Variants in CCDC88C observed in about 807,000 individuals in gnomAD.
CCDC88C encodes the protein protein Daple.
A neutral mutation model predicts 198.8 loss-of-function variants in CCDC88C; 131 were observed. The observed-to-expected ratio is 0.66, with a 90% CI of 0.57 to 0.76. The LOEUF is 0.76. Among genes scored for constraint, CCDC88C ranks in the 30% least tolerant of loss-of-function variants. The pLI, the probability that CCDC88C is intolerant of heterozygous loss-of-function variation, is 0.00. For synonymous variants in CCDC88C, 1,166 were observed against 1,114.7 expected, an observed-to-expected ratio of 1.05 and a Z score of -0.92; for missense variants, 2,553 against 2,631.6, an observed-to-expected ratio of 0.97 and a Z score of 0.65.
Position 91,325,022 on chromosome 14 carries a change from T to A in CCDC88C, c.1198-99A>T, listed in dbSNP as rs1345943207. 2 of 1,451,456 alleles carry A rather than the reference T, an allele frequency of 1.4e-6. No individual in the cohort carries two copies. The highest frequency in any genetic ancestry group is 1.9e-6 in the Non-Finnish European group (2 of 1,053,416). 89.9% of individuals were successfully genotyped at this position (1,451,456 alleles called of 1,614,324 possible). A position where few individuals can be genotyped will look rare whatever the true frequency, so the allele number is the denominator to read the frequency against. On this transcript the variant is annotated intron_variant, in intron 11 of 29. Transcript: ENST00000389857. The surrounding 1 kb of genome is among the most constrained non-coding windows in gnomAD (Gnocchi z 4.1). ...TATAGCTACCGTCATGTGCTGTGGA[T>A]GAAGATGTACTGGCTCACTTCCAAA...
At chr14:91,402,605 C>T (rs1596164761) in intron 3 of CCDC88C, among the ~76,000 whole-genome samples, 3 of 152,262 alleles carry the variant, frequency 2.0e-5, no homozygotes, top group East Asian at 1.9e-4. Context: ...GTAGATACCA[C>T]CCAATTAATG....
At chr14:91,345,556 C>G (rs1340431503) in intron 4 of CCDC88C, among the ~76,000 whole-genome samples, 1 of 152,114 alleles carries the variant, frequency 6.6e-6, no homozygotes, top group East Asian at 1.9e-4. Context: ...TATGCATTCC[C>G]TTTTTAAGCT....
chr14:91,351,849 A>G (rs1204499815), intron 4 of CCDC88C, among the ~76,000 whole-genome samples: 1 of 152,008 alleles, frequency 6.6e-6, no homozygotes, highest in Admixed American at 6.6e-5. Flanking sequence ...AGCTACCCCC[A>G]GGTCATGTAG....
At chr14:91,376,619 C>G (rs888800867) in intron 3 of CCDC88C, among the ~76,000 whole-genome samples, 8 of 152,342 alleles carry the variant, frequency 5.3e-5, no homozygotes, top group African/African-American at 1.4e-4. Context: ...AAGCCTGCAG[C>G]TGGGCATCCT....
rs763440982 is a variant in CCDC88C, at chr14:91,272,554, AAG to A, written c.*69_*70del. 6.7e-6 allele frequency: 10 copies of A among 1,483,872 alleles called. No individual in the cohort carries two copies. The highest frequency in any genetic ancestry group is 9.1e-6 in the Non-Finnish European group (10 of 1,100,990). 91.9% of individuals were successfully genotyped at this position (1,483,872 alleles called of 1,614,324 possible). A position where few individuals can be genotyped will look rare whatever the true frequency, so the allele number is the denominator to read the frequency against. The stretch of plus-strand genomic sequence containing the variant: ...CCCTCTCCTGGCACCGCAGGCAAGC[AAG>A]AGAAAAGGCCGTGAGAGTCGGAAGG... On this transcript the variant is annotated 3_prime_UTR_variant, in exon 30 of 30. Transcript: ENST00000389857.
intron 3 of CCDC88C, among the ~76,000 whole-genome samples, chr14:91,361,877 C>G (rs973769118): frequency 1.3e-5 from 2 of 152,200 alleles, no homozygotes; most frequent in African/African-American, 2.4e-5. Flanking sequence ...CTAATTTACT[C>G]AGTGAAAGGA....
At chr14:91,367,831 C>T (rs1253510699) in intron 3 of CCDC88C, among the ~76,000 whole-genome samples, 1 of 152,152 alleles carries the variant, frequency 6.6e-6, no homozygotes, top group Non-Finnish European at 1.5e-5. Context: ...GCGCTTCCCA[C>T]GAGGGTGCCC....
intron 19 of CCDC88C, 51 bp downstream of exon 19, chr14:91,305,714 G>GTTAA: frequency 6.4e-7 from 1 of 1,558,400 alleles, no homozygotes; most frequent in Non-Finnish European, 8.7e-7. Context: ...AGGAGCCACA[G>GTTAA]ATAAACATCC....
chr14:91,367,264 C>G (rs1894587360), intron 3 of CCDC88C, among the ~76,000 whole-genome samples: 1 of 152,152 alleles, frequency 6.6e-6, no homozygotes, highest in African/African-American at 2.4e-5. Flanking sequence ...AGATGAACGC[C>G]CAGCACAGGC....
Position 91,342,372 on chromosome 14 carries a change from G to T in CCDC88C, c.483+8C>A. ...ACAGCTGAGCCCACCACGAGGCCAC[G>T]CACCTACCTCCTGGATATGGGCCAC... is the stretch of plus-strand genomic sequence containing the variant. On this transcript the variant is annotated splice_region_variant and intron_variant, in intron 6 of 29. Coordinates refer to ENST00000389857, the MANE Select transcript of CCDC88C (RefSeq NM_001080414.4). 6.4e-7 allele frequency: 1 copy of T among 1,569,768 alleles called. No individual in the cohort carries two copies. Among genetic ancestry groups the T allele is most frequent in the Non-Finnish European group, 8.7e-7 (1 of 1,152,736 alleles).
intron 20 of CCDC88C, among the ~76,000 whole-genome samples, chr14:91,301,024 C>G (rs1370872164): frequency 2.6e-5 from 4 of 152,208 alleles, no homozygotes; most frequent in Non-Finnish European, 5.9e-5. Flanking sequence ...CTTCAGGACT[C>G]CACTGCACCT....
At chr14:91,397,688 A>G (rs1178474950) in intron 3 of CCDC88C, among the ~76,000 whole-genome samples, 2 of 152,160 alleles carry the variant, frequency 1.3e-5, no homozygotes, top group Non-Finnish European at 2.9e-5. Flanking sequence ...GAAGTTTCAG[A>G]GGTGCCTGAA....
rs200079946 is a variant in CCDC88C at position 91,313,451 on chromosome 14, G to C, written c.2365C>G (p.Leu789Val). Residue 789 changes from leucine (L) to valine (V), a missense_variant, in exon 15 of 30, where the codon CTG becomes GTG. Leu to Val is a conservative substitution (Grantham distance 32, BLOSUM62 1). Transcript: ENST00000389857. The surrounding 1 kb of genome is among the most constrained non-coding windows in gnomAD (Gnocchi z 5.2). ...TGGCGCTCAGCCTCCAGCTCGCCCA[G>C]CTCACTCTCCAAGGTCTGCGTCTTG... ...SHKTQTLESE[L>V]GELEAERQAL... is the part of the protein sequence containing the mutation. 4 of 1,607,374 alleles carry C rather than the reference G, an allele frequency of 2.5e-6. No homozygotes were observed. The Admixed American group carries it at 6.7e-5, about 27-fold the overall frequency.
chr14:91,408,758 C>A lies in CCDC88C; in HGVS notation c.171G>T (p.Arg57Ser). Reference sequence around the variant, plus strand: ...GCTTATTGATGCGTTGATTTGTGGGCCTGGGATCTCTAGGGGAAGAAACAC... The same window carrying A: ...GCTTATTGATGCGTTGATTTGTGGGACTGGGATCTCTAGGGGAAGAAACAC... ...LNQIMLQIDP[R>S]PTNQRINKHV... The change falls in exon 3 of 30, where the codon AGG (arginine) becomes AGT (serine). Residue 57 changes from arginine (R) to serine (S), a missense_variant. This residue lies in a region of CCDC88C where 1,260 missense variants were observed against 1,412.0 expected (regional missense o/e 0.89). Coordinates refer to ENST00000389857, the MANE Select transcript of CCDC88C (RefSeq NM_001080414.4). The A allele has an allele frequency of 6.2e-7, 1 of 1,611,826 alleles. No individual in the cohort carries two copies.
At position 91,304,654 on chromosome 14, in the gene CCDC88C, A is replaced by T. The variant is rs568592859; in HGVS notation, c.3358-676T>A. ...AGAATATCTGTAAATAAGGATATAGAATACCTGAACAATACTATCAACCTA... is the reference window on the plus strand; with the variant it reads ...AGAATATCTGTAAATAAGGATATAGTATACCTGAACAATACTATCAACCTA... On this transcript the variant is annotated intron_variant, in intron 19 of 29. Transcript: ENST00000389857. Among the ~76,000 whole-genome samples, 3 of 152,354 alleles carry T rather than the reference A, an allele frequency of 2.0e-5. No individual in the cohort carries two copies. The South Asian group carries it at 6.2e-4, about 32-fold the overall frequency.
Position 91,273,086 on chromosome 14 carries a change from G to C in CCDC88C, c.5626C>G (p.Pro1876Ala), listed in dbSNP as rs771761723. 86 of 1,562,680 alleles carry C rather than the reference G, an allele frequency of 5.5e-5. No homozygotes were observed. Among genetic ancestry groups the C allele is most frequent in the African/African-American group, 1.4e-5 (1 of 73,740 alleles). ...CTCGTGTCCAGCGGCCGGCTGCGGGGACCTGGGCCCTGACAGGAGCTGCCA... is the reference window on the plus strand; with the variant it reads ...CTCGTGTCCAGCGGCCGGCTGCGGGCACCTGGGCCCTGACAGGAGCTGCCA... Reference protein sequence around the residue: ...KAGSSCQGPGPRSRPLDTRRF... With the variant: ...KAGSSCQGPGARSRPLDTRRF... The change falls in exon 30 of 30, where the codon CCC (proline) becomes GCC (alanine). Residue 1876 changes from proline (P) to alanine (A), a missense_variant. Coordinates refer to ENST00000389857, the MANE Select transcript of CCDC88C (RefSeq NM_001080414.4). This position sits in a 1 kb window ranked among gnomAD's most constrained non-coding sequence, Gnocchi z 5.6.
chr14:91,345,271 C>A (rs1277963409), intron 4 of CCDC88C, among the ~76,000 whole-genome samples: 5 of 136,380 alleles, frequency 3.7e-5, no homozygotes, highest in African/African-American at 1.4e-4. Context: ...TGGCTCACTT[C>A]CACCTCTGTC....
chr14:91,313,770 C>T lies in CCDC88C; in HGVS notation c.2046G>A (p.Leu682=), dbSNP rs372288899. The T allele has an allele frequency of 8.0e-5, 128 of 1,607,480 alleles. No individual in the cohort carries two copies. The highest frequency in any genetic ancestry group is 1.0e-4 in the Non-Finnish European group (118 of 1,179,594). The change falls in exon 15 of 30, where the codon CTG becomes CTA. Residue 682 remains leucine (L), a synonymous_variant. Transcript: ENST00000389857. The surrounding 1 kb of genome is among the most constrained non-coding windows in gnomAD (Gnocchi z 5.2). ...GCAGGGACACGTTCTGCAAGGTGTC[C>T]AGAGACTTCCTCAGAGTCCGGTTCT... The part of the protein sequence containing the change: ...QLENRTLRKS[L]DTLQNVSLQL...
chr14:91,293,634 G>T (rs1035544495), intron 23 of CCDC88C, among the ~76,000 whole-genome samples: 3 of 137,114 alleles, frequency 2.2e-5, no homozygotes, highest in Non-Finnish European at 4.9e-5. Context: ...ACCCCCTGGG[G>T]TAGCTGTGGA....
Sources: allele counts gnomAD v4.1 joint callset (sites outside exome capture counted in the v4.1 genomes callset), GRCh38; gene constraint gnomAD v4.1.1; regional missense constraint gnomAD v4.1.1; non-coding constraint Gnocchi (gnomAD v3.1); transcripts MANE v1.5; gene names NCBI Gene and HGNC (gene_info 2026-07-23, HGNC 2026-07-21).